The following TOGARAM1 variants were observed in gnomAD, a reference collection of about 807,000 sequenced individuals.
The protein encoded by TOGARAM1 is TOG array regulator of axonemal microtubules protein 1.
In TOGARAM1, 100 loss-of-function variants were observed where a neutral mutation model predicts 166.6. The observed-to-expected ratio is 0.60, with a 90% CI of 0.51 to 0.71. The LOEUF (loss-of-function observed/expected upper bound fraction) is 0.71. Ranked by LOEUF, TOGARAM1 falls within the 30% of genes least tolerant of loss-of-function variation. The pLI is 0.00. For synonymous variants in TOGARAM1, 758 were observed against 763.8 expected (o/e 0.99, Z 0.13); for missense variants, 2,029 against 2,102.7 (o/e 0.96, Z 0.69).
intron 16 of TOGARAM1, 89 bp from the exon 17 acceptor site, chr14:45,066,489 A>G (rs1883142561): frequency 2.0e-5 from 24 of 1,210,140 alleles, no homozygotes; most frequent in Non-Finnish European, 2.7e-5. Context: ...TGGAAAATGA[A>G]TGCATAATGA....
In TOGARAM1 at chr14:45,032,238, G is replaced by C. The variant is rs762527491; in HGVS notation, c.3674G>C (p.Gly1225Ala). Residue 1225 changes from glycine (G) to alanine (A), a missense_variant, in exon 11 of 20, where the codon GGA becomes GCA. By Grantham distance (60) the Gly-to-Ala change is moderately conservative (BLOSUM62 0). Transcript: ENST00000361462. ...TTTGTTTTAGGTGAAACACCTACTG[G>C]AGCTATTTCACAGTATAAAGAAAGG... ...KMASESETPTGAISQYKERMP... is the reference protein window; with the variant it reads ...KMASESETPTAAISQYKERMP... 2 of 1,609,160 alleles carry C rather than the reference G, an allele frequency of 1.2e-6. No individual in the cohort carries two copies. Among genetic ancestry groups the C allele is most frequent in the African/African-American group, 2.7e-5 (2 of 74,646 alleles).
intron 10 of TOGARAM1, among the ~76,000 whole-genome samples, chr14:45,029,159 A>G (rs574166694): frequency 2.0e-5 from 3 of 152,272 alleles, no homozygotes; most frequent in African/African-American, 2.4e-5. Flanking sequence ...AGCCTGTACA[A>G]TTGTGGCTGA....
chr14:44,984,690 G>C (rs921633319), intron 1 of TOGARAM1, among the ~76,000 whole-genome samples: 5 of 151,740 alleles, frequency 3.3e-5, no homozygotes, highest in African/African-American at 1.2e-4. Context: ...TAGAAGGATC[G>C]ATAGAGCCCA....
Position 44,963,362 on chromosome 14 carries a change from AG to A in TOGARAM1, c.942del (p.Gln314HisfsTer26), listed in dbSNP as rs1175251248. 1 of 1,614,140 alleles carries A rather than the reference AG, an allele frequency of 6.2e-7. No individual in the cohort carries two copies. Among genetic ancestry groups the A allele is most frequent in the Admixed American group, 1.7e-5 (1 of 60,020 alleles). On this transcript the variant is annotated frameshift_variant, in exon 1 of 20. Coordinates refer to ENST00000361462, the MANE Select transcript of TOGARAM1 (RefSeq NM_001308120.2). LOFTEE classifies it high-confidence loss of function. ...CACTACAATCGCCGCCTGGAGTCCC[AG>A]TTTGGAAGTCAGGTTCCTTATTATT... Reference protein sequence around the residue: ...RRHYNRRLESQFGSQVPYYLE... With the variant: ...RRHYNRRLESXFGSQVPYYLE...
Position 45,043,751 on chromosome 14 carries a change from A to G in TOGARAM1, c.3878A>G (p.Asn1293Ser). 1 of 1,613,578 alleles carries G rather than the reference A, an allele frequency of 6.2e-7. No homozygotes were observed. Among genetic ancestry groups the G allele is most frequent in the Non-Finnish European group, 8.5e-7 (1 of 1,179,534 alleles). The change falls in exon 12 of 20, where the codon AAC becomes AGC. Residue 1293 changes from asparagine to serine, a missense_variant. Physicochemically the swap from Asn to Ser is conservative, Grantham distance 46. This residue lies in a region of TOGARAM1 where 576 missense variants were observed against 670.5 expected (regional missense o/e 0.86). Transcript: ENST00000361462. ...GCTGCTTTTCATTCTGAGATACTGA[A>G]CACAAAGTTGCATGAAACAAATTTT... ...CLAAFHSEIL[N>S]TKLHETNFAV...
At position 44,963,096 on chromosome 14, in the gene TOGARAM1, T is replaced by G. The variant is rs1885282108; in HGVS notation, c.675T>G (p.Ser225Arg). 1 of 1,614,086 alleles carries G rather than the reference T, an allele frequency of 6.2e-7. No individual in the cohort carries two copies. The highest frequency in any genetic ancestry group is 1.7e-5 in the Admixed American group (1 of 59,996). The stretch of plus-strand genomic sequence containing the variant: ...CGCTTATACAACAAGGACTGGAAAG[T>G]ACCGATGCCCGACTTAGAGCTTCCA... ...LRTLIQQGLE[S>R]TDARLRASTA... Residue 225 changes from serine (S) to arginine (R), a missense_variant, in exon 1 of 20, where the codon AGT becomes AGG. By Grantham distance (110) the Ser-to-Arg change is moderately radical (BLOSUM62 -1). Around this residue, in one of 2 missense-constraint regions of TOGARAM1, gnomAD observed 1,453 missense variants for 1,432.2 expected, o/e 1.01. Transcript: ENST00000361462.
Position 45,068,602 on chromosome 14 carries a change from C to A in TOGARAM1, c.4928C>A (p.Ala1643Glu). The A allele has an allele frequency of 6.2e-7, 1 of 1,611,814 alleles. No homozygotes were observed. Among genetic ancestry groups the A allele is most frequent in the South Asian group, 1.1e-5 (1 of 90,664 alleles). ...NLNSKNPGIY[A>E]AATNVVQALS... is the part of the protein sequence containing the mutation. ...AATTCCAAGAATCCAGGCATCTATGCGGCTGCTACAAATGTTGTTCAGGCA... is the reference window on the plus strand; with the variant it reads ...AATTCCAAGAATCCAGGCATCTATGAGGCTGCTACAAATGTTGTTCAGGCA... The change falls in exon 18 of 20, where the codon GCG becomes GAG. Residue 1643 changes from alanine to glutamate, a missense_variant. Ala to Glu is a moderately radical substitution (Grantham distance 107, BLOSUM62 -1). Around this residue, in one of 2 missense-constraint regions of TOGARAM1, gnomAD observed 576 missense variants for 670.5 expected, o/e 0.86. Coordinates refer to ENST00000361462, the MANE Select transcript of TOGARAM1 (RefSeq NM_001308120.2).
In TOGARAM1 at chr14:44,973,551, C is replaced by A. The variant is rs1252233266; in HGVS notation, c.2046+9084C>A. ...TATGAAAAATAAGTTTTTTTTTTAA[C>A]CTTTACTTATTCTCCTCCAGTGTAC... On this transcript the variant is annotated intron_variant, in intron 1 of 19. Coordinates refer to ENST00000361462, the MANE Select transcript of TOGARAM1 (RefSeq NM_001308120.2). 2.0e-5 allele frequency among the ~76,000 whole-genome samples: 3 copies of A among 149,682 alleles called. No individual in the cohort carries two copies. The South Asian group carries it at 6.3e-4, about 31-fold the overall frequency.
intron 16 of TOGARAM1, among the ~76,000 whole-genome samples, chr14:45,066,195 C>T (rs1883130371): frequency 6.6e-6 from 1 of 152,124 alleles, no homozygotes; most frequent in African/African-American, 2.4e-5. Context: ...CATATGTTGT[C>T]ATAACTCATT....
intron 12 of TOGARAM1, 60 bp from the exon 13 acceptor site, chr14:45,044,575 T>G (rs1388103433): frequency 1.3e-5 from 16 of 1,208,924 alleles, no homozygotes; most frequent in Admixed American, 2.2e-5. Context: ...CTTTCCAAGT[T>G]ATTATTAGTG....
chr14:44,989,857 G>A (rs894120640), intron 1 of TOGARAM1, among the ~76,000 whole-genome samples: 3 of 152,204 alleles, frequency 2.0e-5, no homozygotes, highest in African/African-American at 7.2e-5. Flanking sequence ...TTGACTCACA[G>A]TTTTGCATGG....
intron 14 of TOGARAM1, among the ~76,000 whole-genome samples, chr14:45,047,437 T>C (rs1018594798): frequency 1.3e-5 from 2 of 150,314 alleles, no homozygotes; most frequent in African/African-American, 4.9e-5. Context: ...TGCATAACAA[T>C]ATATTATCCT....
At chr14:45,060,963 C>T (rs899561066) in intron 16 of TOGARAM1, among the ~76,000 whole-genome samples, 1 of 152,112 alleles carries the variant, frequency 6.6e-6, no homozygotes, top group African/African-American at 2.4e-5. Flanking sequence ...GTGTAAATAT[C>T]CTATTTCTCA....
rs1885293620 is a variant in TOGARAM1 at position 44,963,172 on chromosome 14, C to G, written c.751C>G (p.Leu251Val). The G allele has an allele frequency of 1.9e-6, 3 of 1,614,204 alleles. No individual in the cohort carries two copies. Among genetic ancestry groups the G allele is most frequent in the Non-Finnish European group, 2.5e-6 (3 of 1,180,048 alleles). Residue 251 changes from leucine (L) to valine (V), a missense_variant, in exon 1 of 20, where the codon CTG becomes GTG. This residue lies in a region of TOGARAM1 where 1,453 missense variants were observed against 1,432.2 expected (regional missense o/e 1.01). Coordinates refer to ENST00000361462, the MANE Select transcript of TOGARAM1 (RefSeq NM_001308120.2). ...LLTTEDLLLG[L>V]DLTEVIISLA... The stretch of plus-strand genomic sequence containing the variant: ...TACTACTGAGGACTTGTTGCTTGGT[C>G]TGGATCTCACCGAGGTGATAATATC...
intron 10 of TOGARAM1, among the ~76,000 whole-genome samples, chr14:45,030,711 T>A (rs1052912212): frequency 5.3e-5 from 8 of 152,190 alleles, no homozygotes; most frequent in Non-Finnish European, 1.2e-4. Flanking sequence ...TAAGGCATCA[T>A]ATTTTACCTT....
At chr14:45,066,146 T>G (rs1883128403) in intron 16 of TOGARAM1, among the ~76,000 whole-genome samples, 1 of 152,168 alleles carries the variant, frequency 6.6e-6, no homozygotes, top group Non-Finnish European at 1.5e-5. Context: ...ACTCTAGACA[T>G]GAGGCCTCTA....
rs370003032 is a variant in TOGARAM1, at chr14:44,962,409, C to A, written c.-13C>A. On this transcript the variant is annotated 5_prime_UTR_variant, in exon 1 of 20. The change creates a new upstream start codon in the 5' untranslated region. Coordinates refer to ENST00000361462, the MANE Select transcript of TOGARAM1 (RefSeq NM_001308120.2). ...AATGGTTTCTTCCAACCACCACCACCTGACAACCCTGCATGGCGGCTGCCC... is the reference window on the plus strand; with the variant it reads ...AATGGTTTCTTCCAACCACCACCACATGACAACCCTGCATGGCGGCTGCCC... 5 of 1,534,780 alleles carry A rather than the reference C, an allele frequency of 3.3e-6. No individual in the cohort carries two copies. The highest frequency in any genetic ancestry group is 2.3e-5 in the East Asian group (1 of 44,256).
At chr14:45,022,382 G>A (rs1880573010) in intron 7 of TOGARAM1, among the ~76,000 whole-genome samples, 1 of 149,118 alleles carries the variant, frequency 6.7e-6, no homozygotes, top group Non-Finnish European at 1.5e-5. Context: ...CTAGGTAATG[G>A]CCTGTTCTTT....
At chr14:44,980,091 C>T (rs1316035667) in intron 1 of TOGARAM1, among the ~76,000 whole-genome samples, 4 of 152,150 alleles carry the variant, frequency 2.6e-5, no homozygotes, top group Non-Finnish European at 5.9e-5. Flanking sequence ...TAGCAGGTCT[C>T]AGTACTTCCT....
Sources: allele counts gnomAD v4.1 joint callset (sites outside exome capture counted in the v4.1 genomes callset), GRCh38; gene constraint gnomAD v4.1.1; regional missense constraint gnomAD v4.1.1; transcripts MANE v1.5; gene names NCBI Gene and HGNC (gene_info 2026-07-23, HGNC 2026-07-21).